Variants in DCBLD1 observed in about 807,000 individuals in gnomAD.
DCBLD1 encodes the protein discoidin, CUB and LCCL domain-containing protein 1.
Under a neutral mutation model 71.5 loss-of-function variants are expected in DCBLD1, and 57 were observed. The observed-to-expected ratio is 0.80, with a 90% CI of 0.64 to 0.99. The LOEUF (loss-of-function observed/expected upper bound fraction) is 0.99. Among genes scored for constraint, DCBLD1 ranks in the 50% least tolerant of loss-of-function variants. DCBLD1 has a pLI of 0.00. For synonymous variants in DCBLD1, 380 were observed against 363.8 expected (o/e 1.04, Z -0.51); for missense variants, 891 against 923.5 (o/e 0.96, Z 0.46).
chr6:117,502,662 C>G (rs908659499), intron 1 of DCBLD1, among the ~76,000 whole-genome samples: 4 of 151,976 alleles, frequency 2.6e-5, no homozygotes, highest in Non-Finnish European at 4.4e-5. Flanking sequence ...ATGGAGAGGC[C>G]TTCTTTTACT....
intron 3 of DCBLD1, among the ~76,000 whole-genome samples, chr6:117,520,461 A>G (rs1318629236): frequency 6.6e-6 from 1 of 152,126 alleles, no homozygotes; most frequent in African/African-American, 2.4e-5. Context: ...AGTCTTCACT[A>G]TTCTCTGGAG....
At chr6:117,506,119 T>C (rs555893071) in intron 2 of DCBLD1, among the ~76,000 whole-genome samples, 47 of 152,202 alleles carry the variant, frequency 3.1e-4, no homozygotes, top group Non-Finnish European at 4.7e-4. Context: ...GCCTATTGTA[T>C]GCCAGGCACC....
At chr6:117,491,239 G>A (rs1245390850) in intron 1 of DCBLD1, among the ~76,000 whole-genome samples, 3 of 152,166 alleles carry the variant, frequency 2.0e-5, no homozygotes, top group Admixed American at 6.5e-5. Flanking sequence ...TGGAACATGA[G>A]ATTCATATAT....
At chr6:117,496,180 A>G (rs1777463431) in intron 1 of DCBLD1, among the ~76,000 whole-genome samples, 1 of 152,242 alleles carries the variant, frequency 6.6e-6, no homozygotes, top group African/African-American at 2.4e-5. Flanking sequence ...AATAAAGTTG[A>G]AAGAGATTGT....
chr6:117,504,127 A>G (rs979433571), intron 2 of DCBLD1, 148 bp downstream of exon 2: 22 of 841,292 alleles, frequency 2.6e-5, no homozygotes, highest in Middle Eastern at 3.6e-4. Context: ...TTAGAAGGAT[A>G]CATTTGCTTC....
intron 8 of DCBLD1, 199 bp from the exon 9 acceptor site, chr6:117,539,056 G>A: frequency 1.4e-6 from 1 of 695,516 alleles, no homozygotes; most frequent in South Asian, 2.1e-5. Flanking sequence ...ATTCTTCAAT[G>A]GTGAAATCTT....
chr6:117,530,634 CA>C (rs1778685827), intron 5 of DCBLD1, among the ~76,000 whole-genome samples: 1 of 152,196 alleles, frequency 6.6e-6, no homozygotes, highest in African/African-American at 2.4e-5. Flanking sequence ...AGGTCAAGAG[CA>C]GTGGAATGAC....
Position 117,539,368 on chromosome 6 carries a change from A to C in DCBLD1, c.1090A>C (p.Asn364His), listed in dbSNP as rs765644067. 18 of 1,602,888 alleles carry C rather than the reference A, an allele frequency of 1.1e-5. No individual in the cohort carries two copies. In the Admixed American group the frequency reaches 2.3e-4, roughly 21 times the overall value. The change falls in exon 9 of 15, where the codon AAT (asparagine) becomes CAT (histidine). Residue 364 changes from asparagine (N) to histidine (H), a missense_variant. Transcript: ENST00000338728. ...KWKTYKGIVNNEEKVFQGNSN... is the reference protein window; with the variant it reads ...KWKTYKGIVNHEEKVFQGNSN... ...GAAGACCTATAAAGGAATTGTGAAT[A>C]ATGAAGAAAAGGTAAGAGGTAACCC...
intron 11 of DCBLD1, 94 bp from the exon 12 acceptor site, chr6:117,543,030 T>C: frequency 1.9e-6 from 2 of 1,058,536 alleles, no homozygotes; most frequent in Admixed American, 3.4e-5. Flanking sequence ...TATTAAATGC[T>C]TAAAGACTTT....
chr6:117,513,311 C>G (rs1778083926), intron 2 of DCBLD1, among the ~76,000 whole-genome samples: 1 of 152,104 alleles, frequency 6.6e-6, no homozygotes, highest in Admixed American at 6.5e-5. Flanking sequence ...GAGGAACTGA[C>G]CTACTGTGCT....
intron 2 of DCBLD1, among the ~76,000 whole-genome samples, chr6:117,510,416 G>T (rs777830097): frequency 1.3e-5 from 2 of 151,628 alleles, no homozygotes; most frequent in African/African-American, 2.4e-5. Context: ...CAAATTCAGG[G>T]CTGCCTACCC....
At chr6:117,502,565 G>A (rs1439228490) in intron 1 of DCBLD1, among the ~76,000 whole-genome samples, 1 of 152,230 alleles carries the variant, frequency 6.6e-6, no homozygotes, top group African/African-American at 2.4e-5. Flanking sequence ...TCTAACTGGG[G>A]AAGAGGCTGG....
At chr6:117,524,208 T>C (rs1326048153) in intron 4 of DCBLD1, among the ~76,000 whole-genome samples, 1 of 152,010 alleles carries the variant, frequency 6.6e-6, no homozygotes, top group Non-Finnish European at 1.5e-5. Flanking sequence ...TAATTTTTTT[T>C]TTTTTTTTGA....
chr6:117,547,759 A>C, intron 14 of DCBLD1, 148 bp from the exon 15 acceptor site: 1 of 1,526,814 alleles, frequency 6.5e-7, no homozygotes, highest in East Asian at 2.5e-5. Flanking sequence ...TGGCTTTCAC[A>C]TCAGGGTTTT....
intron 14 of DCBLD1, chr6:117,569,496 G>C: frequency 6.5e-7 from 1 of 1,530,318 alleles, no homozygotes; most frequent in Non-Finnish European, 8.7e-7. Context: ...TAGAAACTTC[G>C]TAGGGAAGTA....
intron 1 of DCBLD1, among the ~76,000 whole-genome samples, chr6:117,484,584 A>G (rs1195766741): frequency 6.6e-6 from 1 of 152,136 alleles, no homozygotes; most frequent in African/African-American, 2.4e-5. Flanking sequence ...CCTGAGCTCA[A>G]GTGATCCACC....
At chr6:117,496,674 A>G (rs1452750311) in intron 1 of DCBLD1, among the ~76,000 whole-genome samples, 2 of 151,974 alleles carry the variant, frequency 1.3e-5, no homozygotes, top group African/African-American at 4.9e-5. Context: ...CAAGGATACA[A>G]CTAATGAAAT....
intron 14 of DCBLD1, chr6:117,561,386 G>T (rs1345646456): frequency 2.7e-5 from 6 of 224,586 alleles, no homozygotes; most frequent in Non-Finnish European, 5.3e-5. Context: ...AAATGCCATG[G>T]CCATTCCATC....
intron 14 of DCBLD1, among the ~76,000 whole-genome samples, chr6:117,568,579 A>G (rs1779744950): frequency 6.6e-6 from 1 of 152,226 alleles, no homozygotes; most frequent in Non-Finnish European, 1.5e-5. Context: ...GCATTCTTAG[A>G]TCTCTCTTGT....
Sources: gnomAD v4.1 joint callset for allele counts (sites outside exome capture counted in the v4.1 genomes callset) on GRCh38, gnomAD v4.1.1 for gene constraint, MANE v1.5 for transcripts, NCBI Gene and HGNC (gene_info 2026-07-23, HGNC 2026-07-21) for gene names.